Variants in SCAMP1 observed in about 807,000 individuals in gnomAD.
SCAMP1 encodes the protein secretory carrier-associated membrane protein 1.
A neutral mutation model predicts 41.8 loss-of-function variants in SCAMP1; 15 were observed. The observed-to-expected ratio is 0.36, with a 90% CI of 0.24 to 0.55. The LOEUF (loss-of-function observed/expected upper bound fraction) is 0.55. SCAMP1 is among the 20% of genes least tolerant of loss of function. The probability of loss-of-function intolerance (pLI) is 0.86; values close to 1 mark genes in which losing one functional copy is unlikely to be tolerated. For synonymous variants in SCAMP1, 135 were observed against 136.8 expected, an observed-to-expected ratio of 0.99 and a Z score of 0.09; for missense variants, 341 against 412.6, an observed-to-expected ratio of 0.83 and a Z score of 1.50.
At chr5:78,380,113 C>G (rs1407913404) in intron 1 of SCAMP1, among the ~76,000 whole-genome samples, 1 of 152,196 alleles carries the variant, frequency 6.6e-6, no homozygotes, top group Non-Finnish European at 1.5e-5. Flanking sequence ...GCCCATAGCA[C>G]TTTTATATCT....
At chr5:78,447,757 C>G (rs763512580) in intron 6 of SCAMP1, among the ~76,000 whole-genome samples, 1 of 151,856 alleles carries the variant, frequency 6.6e-6, no homozygotes, top group African/African-American at 2.4e-5. Flanking sequence ...CACTGGAGTT[C>G]GTAAAAAGGC....
rs192995768 is a variant in SCAMP1 at position 78,456,398 on chromosome 5, A to G, written c.735-2847A>G. ...AGGCCTGGTGGTGACAAAATCTCTC[A>G]GCATTTGCTTGTTTGTAAAGTATTT... On this transcript the variant is annotated intron_variant, in intron 7 of 8. Coordinates refer to ENST00000621999, the MANE Select transcript of SCAMP1 (RefSeq NM_004866.6). 5.3e-3 allele frequency among the ~76,000 whole-genome samples: 810 copies of G among 152,182 alleles called. 6 individuals carry two copies. The highest frequency in any genetic ancestry group is 7.7e-3 in the South Asian group (37 of 4,812).
At chr5:78,363,953 G>T (rs1264605952) in intron 1 of SCAMP1, among the ~76,000 whole-genome samples, 1 of 152,198 alleles carries the variant, frequency 6.6e-6, no homozygotes, top group Non-Finnish European at 1.5e-5. Flanking sequence ...AAAGAAAATA[G>T]GTGATTAATT....
At chr5:78,439,281 T>C (rs1368918835) in intron 6 of SCAMP1, among the ~76,000 whole-genome samples, 4 of 152,160 alleles carry the variant, frequency 2.6e-5, no homozygotes, top group Admixed American at 2.6e-4. Context: ...TTATTTTGCC[T>C]GTTAATTGAT....
chr5:78,474,326 C>A (rs1042672375), intron 8 of SCAMP1, among the ~76,000 whole-genome samples: 1 of 152,108 alleles, frequency 6.6e-6, no homozygotes, highest in African/African-American at 2.4e-5. Context: ...CGTTGGTTTC[C>A]AAGTCCATGT....
chr5:78,391,060 A>G (rs1476107436), intron 2 of SCAMP1, among the ~76,000 whole-genome samples: 1 of 151,260 alleles, frequency 6.6e-6, no homozygotes, highest in East Asian at 1.9e-4. Flanking sequence ...TTCTTTCTAC[A>G]CAGACATGGC....
intron 8 of SCAMP1, among the ~76,000 whole-genome samples, chr5:78,467,988 T>G (rs1163400435): frequency 6.6e-6 from 1 of 152,182 alleles, no homozygotes; most frequent in East Asian, 1.9e-4. Flanking sequence ...CCGTAATCTG[T>G]GCACGGTTTT....
intron 6 of SCAMP1, among the ~76,000 whole-genome samples, chr5:78,441,311 C>T (rs1405189356): frequency 6.6e-6 from 1 of 152,166 alleles, no homozygotes; most frequent in African/African-American, 2.4e-5. Context: ...CAGACCAGAG[C>T]TGTTCCTATT....
intron 7 of SCAMP1, among the ~76,000 whole-genome samples, chr5:78,455,921 C>T (rs1161055854): frequency 1.1e-3 from 40 of 37,978 alleles, no homozygotes; most frequent in Non-Finnish European, 9.7e-4. Flanking sequence ...TTGAATTGAT[C>T]CCTTTACCAT....
chr5:78,364,506 CT>C lies in SCAMP1; in HGVS notation c.57+3780del, dbSNP rs1452733714. Among the ~76,000 whole-genome samples, 8 of 152,294 alleles carry C rather than the reference CT, an allele frequency of 5.3e-5. No homozygotes were observed. In the South Asian group the frequency reaches 8.3e-4, roughly 16 times the overall value. On this transcript the variant is annotated intron_variant, in intron 1 of 8. Coordinates refer to ENST00000621999, the MANE Select transcript of SCAMP1 (RefSeq NM_004866.6). ...AAAAAACAAAGCCCACAGAGGCACACTTGCTCATTGTCTTGTGCCCATGTGT... is the reference window on the plus strand; with the variant it reads ...AAAAAACAAAGCCCACAGAGGCACACTGCTCATTGTCTTGTGCCCATGTGT...
chr5:78,446,655 AC>A (rs1753059217), intron 6 of SCAMP1, among the ~76,000 whole-genome samples: 1 of 152,204 alleles, frequency 6.6e-6, no homozygotes, highest in African/African-American at 2.4e-5. Flanking sequence ...TATGAGTCAT[AC>A]ATAGGATTTC....
At chr5:78,449,532 T>A (rs2112207309) in intron 6 of SCAMP1, among the ~76,000 whole-genome samples, 1 of 152,290 alleles carries the variant, frequency 6.6e-6, no homozygotes, top group South Asian at 2.1e-4. Flanking sequence ...TCATAGTGAT[T>A]GGGGAATCAA....
intron 2 of SCAMP1, among the ~76,000 whole-genome samples, chr5:78,403,749 T>C (rs184695580): frequency 1.3e-5 from 2 of 152,140 alleles, no homozygotes; most frequent in African/African-American, 2.4e-5. Flanking sequence ...GCGAATCACT[T>C]GAGGTCAGGA....
intron 2 of SCAMP1, among the ~76,000 whole-genome samples, chr5:78,391,239 G>A (rs1751487517): frequency 6.6e-6 from 1 of 151,520 alleles, no homozygotes; most frequent in Non-Finnish European, 1.5e-5. Flanking sequence ...CCGGGCAGAG[G>A]CGCCCCTCAC....
chr5:78,410,734 A>G (rs531689369), intron 2 of SCAMP1, among the ~76,000 whole-genome samples: 138 of 152,308 alleles, frequency 9.1e-4, no homozygotes, highest in African/African-American at 3.1e-3. Context: ...TGTCTTCCAC[A>G]GTGGTTGAAC....
chr5:78,450,400 G>A (rs146121645), intron 7 of SCAMP1, among the ~76,000 whole-genome samples: 1 of 152,288 alleles, frequency 6.6e-6, no homozygotes, highest in African/African-American at 2.4e-5. Flanking sequence ...TACCTATTAT[G>A]TATAAAGCCC....
chr5:78,360,718 A>G lies in SCAMP1; in HGVS notation c.47A>G (p.Asn16Ser), dbSNP rs768070835. 3.1e-6 allele frequency: 5 copies of G among 1,608,972 alleles called. No individual in the cohort carries two copies. The South Asian group carries it at 4.4e-5, about 14-fold the overall frequency. Reference sequence around the variant, plus strand: ...CCGTTTGCCGACCCGGATCTCAACAATCCCTTCAAGGTGAGCTTCGGCCCC... The same window carrying G: ...CCGTTTGCCGACCCGGATCTCAACAGTCCCTTCAAGGTGAGCTTCGGCCCC... ...SNPFADPDLN[N>S]PFKDPSVTQV... is the part of the protein sequence containing the mutation. The change falls in exon 1 of 9, where the codon AAT becomes AGT. Residue 16 changes from asparagine to serine, a missense_variant. Asn to Ser is a conservative substitution (Grantham distance 46). Coordinates refer to ENST00000621999, the MANE Select transcript of SCAMP1 (RefSeq NM_004866.6).
chr5:78,396,287 T>C (rs2112100578), intron 2 of SCAMP1, among the ~76,000 whole-genome samples: 1 of 152,292 alleles, frequency 6.6e-6, no homozygotes. Flanking sequence ...GTTCATAAGT[T>C]GTTACAAATG....
chr5:78,449,334 T>C (rs1753157911), intron 6 of SCAMP1, among the ~76,000 whole-genome samples: 1 of 152,158 alleles, frequency 6.6e-6, no homozygotes, highest in Non-Finnish European at 1.5e-5. Context: ...TTTTGATACA[T>C]GCCACAAAAC....
Sources: allele counts gnomAD v4.1 joint callset (sites outside exome capture counted in the v4.1 genomes callset), GRCh38; gene constraint gnomAD v4.1.1; transcripts MANE v1.5; gene names NCBI Gene and HGNC (gene_info 2026-07-23, HGNC 2026-07-21).